Variants in UMAD1 observed in about 807,000 individuals in gnomAD.
The protein encoded by UMAD1 is UBAP1-MVB12-associated (UMA)-domain containing protein 1.
A neutral mutation model predicts 6.1 loss-of-function variants in UMAD1; 8 were observed. The observed-to-expected ratio is 1.30, with a 90% CI of 0.76 to 2.35. UMAD1 has a LOEUF of 2.35. UMAD1 is among the 30% of genes most tolerant of loss of function. UMAD1 has a pLI of 0.00. For synonymous variants in UMAD1, 56 were observed against 31.4 expected, an observed-to-expected ratio of 1.78 and a Z score of -2.61; for missense variants, 130 against 78.4, an observed-to-expected ratio of 1.66 and a Z score of -2.49.
intron 3 of UMAD1, among the ~76,000 whole-genome samples, chr7:7,835,142 A>G (rs1396687307): frequency 6.6e-6 from 1 of 152,088 alleles, no homozygotes; most frequent in Admixed American, 6.6e-5. Flanking sequence ...TGTTTTATTC[A>G]CTTAATCTGT....
At chr7:7,684,833 A>G (rs918365826) in intron 2 of UMAD1, among the ~76,000 whole-genome samples, 1 of 152,224 alleles carries the variant, frequency 6.6e-6, no homozygotes, top group Non-Finnish European at 1.5e-5. Flanking sequence ...CCATGTTTTA[A>G]TACAACTATT....
intron 3 of UMAD1, among the ~76,000 whole-genome samples, chr7:7,834,766 A>C (rs962052870): frequency 6.6e-6 from 1 of 152,198 alleles, no homozygotes; most frequent in Non-Finnish European, 1.5e-5. Context: ...GGGCTTCAAC[A>C]TATGAATTGA....
At chr7:7,667,430 G>C (rs545277222) in intron 1 of UMAD1, among the ~76,000 whole-genome samples, 2 of 152,240 alleles carry the variant, frequency 1.3e-5, no homozygotes, top group Admixed American at 1.3e-4. Flanking sequence ...TAGGCTTGGG[G>C]CAGCAGGATT....
At chr7:7,846,784 A>G (rs1183118249) in intron 3 of UMAD1, among the ~76,000 whole-genome samples, 1 of 151,690 alleles carries the variant, frequency 6.6e-6, no homozygotes, top group Non-Finnish European at 1.5e-5. Flanking sequence ...TTTACTTAAA[A>G]GACTTTTCAT....
intron 3 of UMAD1, among the ~76,000 whole-genome samples, chr7:7,871,998 C>T (rs1414733689): frequency 6.6e-6 from 1 of 151,988 alleles, no homozygotes; most frequent in Non-Finnish European, 1.5e-5. Context: ...CATCAAGAAT[C>T]TCCCCTCCGC....
At chr7:7,685,973 T>G (rs1780033658) in intron 2 of UMAD1, 1 of 152,180 alleles carries the variant, frequency 6.6e-6, no homozygotes, top group African/African-American at 2.4e-5. Context: ...TTAGGGATGC[T>G]CCAGATTCCT....
At chr7:7,713,113 C>T (rs1780808686) in intron 2 of UMAD1, among the ~76,000 whole-genome samples, 1 of 151,614 alleles carries the variant, frequency 6.6e-6, no homozygotes, top group Non-Finnish European at 1.5e-5. Context: ...CTAAGGCAGG[C>T]AGATCACAAG....
At chr7:7,804,815 A>G (rs1782875655) in intron 3 of UMAD1, among the ~76,000 whole-genome samples, 1 of 151,882 alleles carries the variant, frequency 6.6e-6, no homozygotes, top group East Asian at 1.9e-4. Context: ...CCCTGTCTCT[A>G]CTAAAAATAC....
At chr7:7,704,114 T>A (rs1344725781) in intron 2 of UMAD1, among the ~76,000 whole-genome samples, 1 of 152,208 alleles carries the variant, frequency 6.6e-6, no homozygotes, top group Admixed American at 6.5e-5. Flanking sequence ...TTTTCTTTAT[T>A]GTATTTCAAC....
At chr7:7,777,294 C>T (rs966013158) in intron 2 of UMAD1, among the ~76,000 whole-genome samples, 1 of 151,672 alleles carries the variant, frequency 6.6e-6, no homozygotes, top group Non-Finnish European at 1.5e-5. Flanking sequence ...ATCACAAGGC[C>T]AGGAGTTCAA....
At chr7:7,701,233 C>T (rs1370865951) in intron 2 of UMAD1, among the ~76,000 whole-genome samples, 1 of 150,588 alleles carries the variant, frequency 6.6e-6, no homozygotes, top group Non-Finnish European at 1.5e-5. Context: ...CATTTCCTCT[C>T]TAACTGTGGG....
chr7:7,678,162 A>C (rs1367396216), intron 2 of UMAD1, among the ~76,000 whole-genome samples: 1 of 151,826 alleles, frequency 6.6e-6, no homozygotes, highest in Non-Finnish European at 1.5e-5. Flanking sequence ...AGGAATCTCC[A>C]TACTGGTCTT....
At chr7:7,865,456 C>G (rs1051494512) in intron 3 of UMAD1, among the ~76,000 whole-genome samples, 1 of 152,170 alleles carries the variant, frequency 6.6e-6, no homozygotes, top group South Asian at 2.1e-4. Context: ...CTCAGCCTAC[C>G]TCCTTGGGGA....
intron 3 of UMAD1, among the ~76,000 whole-genome samples, chr7:7,873,682 G>A (rs775524207): frequency 8.6e-5 from 13 of 152,014 alleles, no homozygotes; most frequent in African/African-American, 2.4e-5. Flanking sequence ...TTTCTTGATG[G>A]CCTCTGTTTT....
intron 2 of UMAD1, among the ~76,000 whole-genome samples, chr7:7,778,619 T>C (rs1037974695): frequency 1.3e-5 from 2 of 152,120 alleles, no homozygotes; most frequent in Non-Finnish European, 2.9e-5. Context: ...TCTCGCTCTG[T>C]TGCCCAAAGT....
chr7:7,660,067 T>C (rs1785436708), intron 1 of UMAD1, among the ~76,000 whole-genome samples: 1 of 152,234 alleles, frequency 6.6e-6, no homozygotes, highest in South Asian at 2.1e-4. Flanking sequence ...GCTCTTTTTG[T>C]CTCTTTTGAT....
At chr7:7,735,680 G>C (rs912731967) in intron 2 of UMAD1, 1 of 152,260 alleles carries the variant, frequency 6.6e-6, no homozygotes, top group African/African-American at 2.4e-5. Flanking sequence ...AAAGTGGTGG[G>C]ATTACAGGCG....
At chr7:7,820,090 G>A (rs1052818684) in intron 3 of UMAD1, among the ~76,000 whole-genome samples, 1 of 152,082 alleles carries the variant, frequency 6.6e-6, no homozygotes, top group Non-Finnish European at 1.5e-5. Context: ...GGCATCACAG[G>A]GCTAAACATT....
chr7:7,672,137 A>G (rs966302711), intron 1 of UMAD1, among the ~76,000 whole-genome samples: 2 of 152,152 alleles, frequency 1.3e-5, no homozygotes, highest in Non-Finnish European at 2.9e-5. Context: ...GTTTTCTGCT[A>G]TGGGTGAAAT....
Sources: allele counts gnomAD v4.1 joint callset (sites outside exome capture counted in the v4.1 genomes callset), GRCh38; gene constraint gnomAD v4.1.1; transcripts MANE v1.5; gene names NCBI Gene and HGNC (gene_info 2026-07-23, HGNC 2026-07-21).